The following DOK5 variants were observed in gnomAD, a reference collection of about 807,000 sequenced individuals.
The protein encoded by DOK5 is docking protein 5, also known as downstream of tyrosine kinase 5.
In DOK5, 27 loss-of-function variants were observed where a neutral mutation model predicts 43.3. The observed-to-expected ratio is 0.62, with a 90% CI of 0.46 to 0.86. The LOEUF (loss-of-function observed/expected upper bound fraction) is 0.86, where lower values mean the gene tolerates loss of function less well. Among genes scored for constraint, DOK5 ranks in the 40% least tolerant of loss-of-function variants. The pLI, the probability that DOK5 is intolerant of heterozygous loss-of-function variation, is 0.00. For synonymous variants in DOK5, 146 were observed against 140.1 expected, an observed-to-expected ratio of 1.04 and a Z score of -0.30; for missense variants, 373 against 392.9, an observed-to-expected ratio of 0.95 and a Z score of 0.43.
At chr20:54,631,015 A>G (rs1978539097) in intron 6 of DOK5, among the ~76,000 whole-genome samples, 1 of 152,212 alleles carries the variant, frequency 6.6e-6, no homozygotes, top group Non-Finnish European at 1.5e-5. Flanking sequence ...AACAGTGGTT[A>G]GGGAAATGAA....
At chr20:54,611,536 G>C (rs765815423) in intron 6 of DOK5, among the ~76,000 whole-genome samples, 1 of 152,068 alleles carries the variant, frequency 6.6e-6, no homozygotes, top group Non-Finnish European at 1.5e-5. Context: ...ACTTCAGCCT[G>C]AGTGACAAAG....
At chr20:54,596,984 A>G (rs537876586) in intron 5 of DOK5, among the ~76,000 whole-genome samples, 1 of 152,304 alleles carries the variant, frequency 6.6e-6, no homozygotes, top group South Asian at 2.1e-4. Context: ...CTGTCATTAT[A>G]TATACTATGT....
chr20:54,533,078 C>A (rs1983835344), intron 1 of DOK5, among the ~76,000 whole-genome samples: 1 of 152,222 alleles, frequency 6.6e-6, no homozygotes, highest in South Asian at 2.1e-4. Flanking sequence ...GGGATAATGG[C>A]TTTAATTTTG....
intron 5 of DOK5, among the ~76,000 whole-genome samples, chr20:54,593,363 T>G (rs1283290798): frequency 2.6e-5 from 4 of 152,188 alleles, no homozygotes; most frequent in Non-Finnish European, 5.9e-5. Flanking sequence ...TCTGCAAAGT[T>G]TTTTACTTTA....
intron 1 of DOK5, among the ~76,000 whole-genome samples, chr20:54,549,054 C>G (rs1255278806): frequency 6.6e-6 from 1 of 152,218 alleles, no homozygotes; most frequent in African/African-American, 2.4e-5. Context: ...TGCAAGCCAC[C>G]CATCTCAGAT....
At chr20:54,588,208 A>G (rs557144951) in intron 2 of DOK5, among the ~76,000 whole-genome samples, 4 of 152,302 alleles carry the variant, frequency 2.6e-5, no homozygotes, top group South Asian at 2.1e-4. Flanking sequence ...AAGAAAAACC[A>G]AAATGTTCTA....
At chr20:54,520,809 A>C (rs1006794211) in intron 1 of DOK5, among the ~76,000 whole-genome samples, 1 of 151,986 alleles carries the variant, frequency 6.6e-6, no homozygotes, top group African/African-American at 2.4e-5. Flanking sequence ...AAAAAACAAC[A>C]AAAAAACCTA....
intron 7 of DOK5, among the ~76,000 whole-genome samples, chr20:54,647,982 C>T (rs376969217): frequency 1.3e-5 from 2 of 152,324 alleles, no homozygotes; most frequent in African/African-American, 4.8e-5. Context: ...CTAAAAGCTA[C>T]TCTTTCTGAG....
In DOK5 at chr20:54,610,268, A is replaced by T. The variant is rs938428793; in HGVS notation, c.600-120A>T. The T allele has an allele frequency of 2.5e-5, 27 of 1,087,940 alleles. No individual in the cohort carries two copies. The African/African-American group carries it at 4.0e-4, about 16-fold the overall frequency. The allele number at this position is 1,087,940 out of a possible 1,614,324, so 67.4% of individuals were successfully genotyped here. A position where few individuals can be genotyped will look rare whatever the true frequency, so the allele number is the denominator to read the frequency against. On this transcript the variant is annotated intron_variant, in intron 5 of 7. Coordinates refer to ENST00000262593, the MANE Select transcript of DOK5 (RefSeq NM_018431.5). Reference sequence around the variant, plus strand: ...CGATTCTAGTTAACTTTGTTTAACAAATGTGAACAAGAATAAAAAATAATA... The same window carrying T: ...CGATTCTAGTTAACTTTGTTTAACATATGTGAACAAGAATAAAAAATAATA...
At chr20:54,506,991 A>G (rs1002221551) in intron 1 of DOK5, among the ~76,000 whole-genome samples, 2 of 152,202 alleles carry the variant, frequency 1.3e-5, no homozygotes, top group Non-Finnish European at 2.9e-5. Flanking sequence ...CCTTGTCCTC[A>G]TCTATAAAAT....
At chr20:54,493,002 C>T (rs1982250080) in intron 1 of DOK5, among the ~76,000 whole-genome samples, 1 of 143,492 alleles carries the variant, frequency 7.0e-6, no homozygotes, top group Non-Finnish European at 1.5e-5. Flanking sequence ...TTGCAGTGAG[C>T]TGAGACTGAG....
chr20:54,621,411 G>C (rs1986973035), intron 6 of DOK5, among the ~76,000 whole-genome samples: 1 of 152,222 alleles, frequency 6.6e-6, no homozygotes, highest in African/African-American at 2.4e-5. Context: ...TGCATGATTG[G>C]CTGGGTGCGG....
At chr20:54,643,248 G>A (rs1204284300) in intron 6 of DOK5, among the ~76,000 whole-genome samples, 1 of 152,192 alleles carries the variant, frequency 6.6e-6, no homozygotes, top group African/African-American at 2.4e-5. Context: ...ACGTCATCAA[G>A]GCACTGTTGC....
intron 7 of DOK5, among the ~76,000 whole-genome samples, chr20:54,645,526 G>A (rs1271211389): frequency 2.6e-5 from 4 of 151,884 alleles, no homozygotes; most frequent in Admixed American, 6.6e-5. Flanking sequence ...TGTATGCTGC[G>A]CCCGTCCCTC....
chr20:54,566,298 G>C (rs892246995), intron 2 of DOK5, among the ~76,000 whole-genome samples: 1 of 152,058 alleles, frequency 6.6e-6, no homozygotes, highest in Non-Finnish European at 1.5e-5. Flanking sequence ...CATTCCCAGA[G>C]TTTGCATACA....
chr20:54,566,663 C>T (rs1985109357), intron 2 of DOK5, among the ~76,000 whole-genome samples: 1 of 152,188 alleles, frequency 6.6e-6, no homozygotes, highest in African/African-American at 2.4e-5. Flanking sequence ...GTCACCCAGG[C>T]TGGAGTGCAG....
At chr20:54,524,622 A>G (rs1281099649) in intron 1 of DOK5, among the ~76,000 whole-genome samples, 1 of 152,238 alleles carries the variant, frequency 6.6e-6, no homozygotes, top group African/African-American at 2.4e-5. Context: ...TGAGACCAAG[A>G]GGAGTTAGAG....
At chr20:54,603,070 G>T (rs1414323037) in intron 5 of DOK5, among the ~76,000 whole-genome samples, 1 of 152,178 alleles carries the variant, frequency 6.6e-6, no homozygotes, top group Non-Finnish European at 1.5e-5. Context: ...TTCGTTTAAG[G>T]AAAATAAAGC....
chr20:54,621,194 TG>T (rs1371222220), intron 6 of DOK5, among the ~76,000 whole-genome samples: 1 of 152,254 alleles, frequency 6.6e-6, no homozygotes, highest in Non-Finnish European at 1.5e-5. Flanking sequence ...GGCTACCCTT[TG>T]GGAGCAAGAC....
Sources: gnomAD v4.1 joint callset for allele counts (sites outside exome capture counted in the v4.1 genomes callset) on GRCh38, gnomAD v4.1.1 for gene constraint, MANE v1.5 for transcripts, NCBI Gene and HGNC (gene_info 2026-07-23, HGNC 2026-07-21) for gene names.